Variants in GABRA5 observed in about 807,000 individuals in gnomAD.
The protein encoded by GABRA5 is gamma-aminobutyric acid type A receptor subunit alpha5.
GABRA5 carries 18 observed loss-of-function variants against 47.3 expected under a neutral mutation model. The ratio of observed to expected loss-of-function variants is 0.38; its 90% CI spans 0.26 to 0.56. The LOEUF (loss-of-function observed/expected upper bound fraction) is 0.56. Among genes scored for constraint, GABRA5 ranks in the 20% least tolerant of loss-of-function variants. The pLI is 0.71. For synonymous variants in GABRA5, 237 were observed against 229.3 expected (o/e 1.03, Z -0.30); for missense variants, 365 against 599.3 (o/e 0.61, Z 4.08).
At chr15:26,921,735 A>G (rs1325252734) in intron 7 of GABRA5, among the ~76,000 whole-genome samples, 2 of 152,130 alleles carry the variant, frequency 1.3e-5, no homozygotes, top group Non-Finnish European at 2.9e-5. Flanking sequence ...ATTTAATGCT[A>G]TAAATGTTTC....
rs150707041 is a variant in GABRA5, at chr15:26,903,135, A to G, written c.498-11668A>G. 4.0e-3 allele frequency among the ~76,000 whole-genome samples: 613 copies of G among 152,080 alleles called. 5 individuals are homozygous for G. Among genetic ancestry groups the G allele is most frequent in the African/African-American group, 0.014 (574 of 41,494 alleles). On this transcript the variant is annotated intron_variant, in intron 6 of 10. Coordinates refer to ENST00000335625, the MANE Select transcript of GABRA5 (RefSeq NM_000810.4). ...CACCCTCCACCCTCAAGAAGGCTCC[A>G]GTGTTTGCTGTTCCCCTCATTGCAT...
chr15:26,886,529 C>T (rs1203436205), intron 6 of GABRA5, among the ~76,000 whole-genome samples: 1 of 152,150 alleles, frequency 6.6e-6, no homozygotes, highest in Non-Finnish European at 1.5e-5. Context: ...ACACTGTGAC[C>T]ATAATGGACA....
At chr15:26,893,824 G>A (rs1893103396) in intron 6 of GABRA5, among the ~76,000 whole-genome samples, 1 of 152,048 alleles carries the variant, frequency 6.6e-6, no homozygotes, top group South Asian at 2.1e-4. Context: ...CTGGGCCAGG[G>A]GACCCGCGTG....
chr15:26,908,970 A>G (rs2140287714), intron 6 of GABRA5, among the ~76,000 whole-genome samples: 1 of 152,374 alleles, frequency 6.6e-6, no homozygotes. Context: ...ACTGCTGGTC[A>G]TTAGACTTGT....
At chr15:26,925,097 C>T (rs1893929654) in intron 7 of GABRA5, among the ~76,000 whole-genome samples, 1 of 151,840 alleles carries the variant, frequency 6.6e-6, no homozygotes. Flanking sequence ...TGGCAATCCC[C>T]CTAGATTTGT....
intron 7 of GABRA5, among the ~76,000 whole-genome samples, chr15:26,923,511 CT>C (rs34659077): frequency 0.52 from 78,388 of 151,378 alleles, 21,089 homozygotes; most frequent in African/African-American, 0.66. Flanking sequence ...ACCTTAAAGA[CT>C]TTTTTTTTCT....
chr15:26,876,685 A>C (rs141229165), intron 3 of GABRA5, among the ~76,000 whole-genome samples: 196 of 152,234 alleles, frequency 1.3e-3, no homozygotes, highest in Non-Finnish European at 2.5e-3. Context: ...CATATGGACA[A>C]ATCTCCCAGT....
rs185503381 is a variant in GABRA5 at position 26,869,895 on chromosome 15, G to T, written c.86+561G>T. 7.9e-4 allele frequency among the ~76,000 whole-genome samples: 121 copies of T among 152,314 alleles called. 1 individual carries two copies. Among genetic ancestry groups the T allele is most frequent in the African/African-American group, 2.8e-3 (116 of 41,578 alleles). On this transcript the variant is annotated intron_variant, in intron 3 of 10. Transcript: ENST00000335625. The stretch of plus-strand genomic sequence containing the variant: ...TCTGAAAGACACCCCTGAGGTTCTG[G>T]CACTATCATTTCCAGTAACCCCTCT...
chr15:26,949,111 C>A lies in GABRA5; in HGVS notation c.*878C>A, dbSNP rs1011254716. ...ATTGAGTTATTTTCCATTTTATTTC[C>A]TTGTATGTATTTCATGACTGGACTT... On this transcript the variant is annotated 3_prime_UTR_variant, in exon 11 of 11. Transcript: ENST00000335625. 2 of 151,932 alleles carry A rather than the reference C, an allele frequency of 1.3e-5. No individual in the cohort carries two copies. The highest frequency in any genetic ancestry group is 4.8e-5 in the African/African-American group (2 of 41,336). 9.4% of individuals were successfully genotyped at this position (151,932 alleles called of 1,614,324 possible).
rs377729786 is a variant in GABRA5, at chr15:26,937,336, C to T, written c.724+8C>T. Reference sequence around the variant, plus strand: ...ACATCAGCACCAGCACAGGTGAGGGCTCGGCACGCGCTGTGCTGCCAGGCG... The same window carrying T: ...ACATCAGCACCAGCACAGGTGAGGGTTCGGCACGCGCTGTGCTGCCAGGCG... On this transcript the variant is annotated splice_region_variant and intron_variant, in intron 8 of 10. Transcript: ENST00000335625. The T allele has an allele frequency of 3.7e-6, 6 of 1,600,782 alleles. No homozygotes were observed. The highest frequency in any genetic ancestry group is 1.7e-6 in the Non-Finnish European group (2 of 1,173,526).
At chr15:26,902,755 G>T (rs1893356009) in intron 6 of GABRA5, among the ~76,000 whole-genome samples, 1 of 152,088 alleles carries the variant, frequency 6.6e-6, no homozygotes, top group South Asian at 2.1e-4. Flanking sequence ...TCACTATTAA[G>T]TATGATGTTA....
At chr15:26,942,785 G>C (rs1456572578) in intron 9 of GABRA5, among the ~76,000 whole-genome samples, 1 of 152,202 alleles carries the variant, frequency 6.6e-6, no homozygotes, top group African/African-American at 2.4e-5. Context: ...GAATGTGCTA[G>C]ATGTTAGCAA....
intron 3 of GABRA5, among the ~76,000 whole-genome samples, chr15:26,879,064 T>C (rs186075507): frequency 3.9e-4 from 59 of 152,336 alleles, no homozygotes; most frequent in African/African-American, 1.4e-3. Flanking sequence ...TAACACAATT[T>C]AGGAACATTT....
intron 10 of GABRA5, among the ~76,000 whole-genome samples, chr15:26,947,197 G>A (rs2140607400): frequency 6.6e-6 from 1 of 152,264 alleles, no homozygotes; most frequent in African/African-American, 2.4e-5. Context: ...AAGATCTTGA[G>A]AAATGCCAGA....
At chr15:26,932,696 A>G (rs1894137806) in intron 7 of GABRA5, among the ~76,000 whole-genome samples, 1 of 152,230 alleles carries the variant, frequency 6.6e-6, no homozygotes, top group South Asian at 2.1e-4. Context: ...CACAACAGCA[A>G]AGACATGGAA....
At chr15:26,909,810 G>A (rs1462717131) in intron 6 of GABRA5, among the ~76,000 whole-genome samples, 2 of 152,210 alleles carry the variant, frequency 1.3e-5, no homozygotes, top group Non-Finnish European at 2.9e-5. Flanking sequence ...GCTGAGTGAG[G>A]TAGCATACTC....
In GABRA5 at chr15:26,870,229, C is replaced by T. The variant is rs1419527877; in HGVS notation, c.86+895C>T. ...GAATATCCAGTGGCTTGGCAACAGC[C>T]TGTAGACAGCCTTCCCATCTGGGGG... On this transcript the variant is annotated intron_variant, in intron 3 of 10. Transcript: ENST00000335625. Among the ~76,000 whole-genome samples the T allele has an allele frequency of 1.3e-5, 2 of 152,192 alleles. 1 individual carries two copies. The highest frequency in any genetic ancestry group is 2.9e-5 in the Non-Finnish European group (2 of 68,034).
intron 6 of GABRA5, among the ~76,000 whole-genome samples, chr15:26,896,815 C>A (rs1172668868): frequency 6.6e-6 from 1 of 152,022 alleles, no homozygotes; most frequent in African/African-American, 2.4e-5. Context: ...CCAAGTTGGC[C>A]CAAGGTGATT....
intron 7 of GABRA5, among the ~76,000 whole-genome samples, chr15:26,931,829 A>G: frequency 6.6e-6 from 1 of 152,236 alleles, no homozygotes; most frequent in Non-Finnish European, 1.5e-5. Context: ...ACAAAGGAGA[A>G]GCCTCATCTG....
Sources: allele counts gnomAD v4.1 joint callset (sites outside exome capture counted in the v4.1 genomes callset), GRCh38; gene constraint gnomAD v4.1.1; transcripts MANE v1.5; gene names NCBI Gene and HGNC (gene_info 2026-07-23, HGNC 2026-07-21).